The following CHL1 variants were observed in gnomAD, a reference collection of about 807,000 sequenced individuals.
CHL1 encodes cell adhesion molecule L1 like.
A neutral mutation model predicts 141.9 loss-of-function variants in CHL1; 96 were observed. The observed-to-expected ratio is 0.68, with a 90% CI of 0.57 to 0.80. The LOEUF is 0.80. CHL1 is among the 30% of genes least tolerant of loss of function. The pLI is 0.00. For missense variants in CHL1, 1,820 were observed against 1,457.2 expected, an observed-to-expected ratio of 1.25 and a Z score of -4.05; for synonymous variants, 613 against 502.2, an observed-to-expected ratio of 1.22 and a Z score of -2.95.
intron 1 of CHL1, among the ~76,000 whole-genome samples, chr3:226,220 C>T (rs1701330960): frequency 6.7e-6 from 1 of 149,940 alleles, no homozygotes; most frequent in South Asian, 2.1e-4. Context: ...CGGGGTTTTA[C>T]CATGTTGGCC....
intron 1 of CHL1, among the ~76,000 whole-genome samples, chr3:229,906 C>G (rs964171252): frequency 7.2e-5 from 11 of 152,202 alleles, no homozygotes; most frequent in African/African-American, 2.4e-4. Flanking sequence ...TTCTCTCCCT[C>G]CGGAGCACAT....
chr3:230,968 C>CTT (rs1559305562), intron 1 of CHL1, among the ~76,000 whole-genome samples: 2 of 152,168 alleles, frequency 1.3e-5, no homozygotes, highest in African/African-American at 4.8e-5. Context: ...GAATCCTTAG[C>CTT]TTTCCCCAGA....
At chr3:221,604 G>C (rs1400051657) in intron 1 of CHL1, among the ~76,000 whole-genome samples, 1 of 152,186 alleles carries the variant, frequency 6.6e-6, no homozygotes, top group East Asian at 1.9e-4. Flanking sequence ...GAAAAGTAGA[G>C]GGAATTCGCA....
intron 2 of CHL1, among the ~76,000 whole-genome samples, chr3:285,620 T>G (rs1000445490): frequency 9.8e-5 from 15 of 152,336 alleles, no homozygotes; most frequent in African/African-American, 3.4e-4. Flanking sequence ...ACGTAGACTC[T>G]ACCTCAGTTT....
chr3:369,172 T>C (rs1705297252), intron 15 of CHL1, among the ~76,000 whole-genome samples: 1 of 152,232 alleles, frequency 6.6e-6, no homozygotes, highest in South Asian at 2.1e-4. Flanking sequence ...ATTGAATCTA[T>C]AAATTACTTT....
intron 2 of CHL1, among the ~76,000 whole-genome samples, chr3:267,745 A>G (rs886627110): frequency 6.6e-6 from 1 of 152,206 alleles, no homozygotes; most frequent in Non-Finnish European, 1.5e-5. Context: ...AAAAATGTGA[A>G]AGATTATACA....
intron 2 of CHL1, among the ~76,000 whole-genome samples, chr3:300,821 C>T (rs566542944): frequency 2.0e-5 from 3 of 152,016 alleles, no homozygotes; most frequent in South Asian, 2.1e-4. Flanking sequence ...GAAAGGTTTC[C>T]GAAGAAAGTG....
At chr3:360,038 G>T (rs1162923289) in intron 11 of CHL1, among the ~76,000 whole-genome samples, 1 of 152,148 alleles carries the variant, frequency 6.6e-6, no homozygotes, top group Non-Finnish European at 1.5e-5. Context: ...GAAATTCTGG[G>T]AGGTCCAGAT....
intron 19 of CHL1, chr3:384,794 C>T (rs977732858): frequency 3.3e-5 from 5 of 151,986 alleles, no homozygotes; most frequent in Non-Finnish European, 5.9e-5. Context: ...AATTTATTTC[C>T]ACAATTCATT....
intron 15 of CHL1, among the ~76,000 whole-genome samples, chr3:369,070 T>C (rs149267702): frequency 0.031 from 4,765 of 152,296 alleles, 90 homozygotes; most frequent in Middle Eastern, 0.048. Context: ...TTGTTTTGTC[T>C]ATATGGGGTC....
chr3:253,266 T>A (rs1424961006), intron 2 of CHL1, among the ~76,000 whole-genome samples: 1 of 152,128 alleles, frequency 6.6e-6, no homozygotes, highest in Admixed American at 6.6e-5. Flanking sequence ...ATGAACCAAT[T>A]ATGCTCCCTT....
At chr3:204,209 T>C (rs1699209538) in intron 1 of CHL1, among the ~76,000 whole-genome samples, 1 of 152,240 alleles carries the variant, frequency 6.6e-6, no homozygotes, top group South Asian at 2.1e-4. Context: ...GTATTCCAGC[T>C]TCTATGGTAA....
chr3:230,276 T>C (rs954048333), intron 1 of CHL1, among the ~76,000 whole-genome samples: 2 of 152,218 alleles, frequency 1.3e-5, no homozygotes, highest in African/African-American at 2.4e-5. Context: ...GTGGTGACTC[T>C]TTCTGGCTTT....
chr3:392,186 C>A (rs910585815), intron 23 of CHL1, among the ~76,000 whole-genome samples: 1 of 152,132 alleles, frequency 6.6e-6, no homozygotes, highest in Non-Finnish European at 1.5e-5. Flanking sequence ...ACACAAAACA[C>A]GTGTTTAATG....
intron 2 of CHL1, among the ~76,000 whole-genome samples, chr3:259,692 T>TACC (rs1559349204): frequency 6.6e-5 from 10 of 152,248 alleles, no homozygotes; most frequent in Non-Finnish European, 1.5e-4. Context: ...ATTACAAGGC[T>TACC]TCATGAAAGG....
At chr3:344,971 A>T (rs188407238) in intron 9 of CHL1, among the ~76,000 whole-genome samples, 1 of 152,306 alleles carries the variant, frequency 6.6e-6, no homozygotes, top group African/African-American at 2.4e-5. Context: ...CCTGGATGAC[A>T]GAGAAAGACC....
intron 2 of CHL1, among the ~76,000 whole-genome samples, chr3:271,566 T>C (rs1242734305): frequency 6.6e-6 from 1 of 152,102 alleles, no homozygotes; most frequent in African/African-American, 2.4e-5. Flanking sequence ...ATGAAGAAGA[T>C]TTGTATATTG....
At chr3:307,138 T>C (rs1407706244) in intron 2 of CHL1, among the ~76,000 whole-genome samples, 1 of 152,188 alleles carries the variant, frequency 6.6e-6, no homozygotes, top group East Asian at 1.9e-4. Flanking sequence ...TTTTTATAGG[T>C]ATCAATATTT....
At chr3:357,515 C>T (rs1485002066) in intron 11 of CHL1, among the ~76,000 whole-genome samples, 1 of 152,124 alleles carries the variant, frequency 6.6e-6, no homozygotes, top group East Asian at 1.9e-4. Flanking sequence ...AGAATGCAAC[C>T]CAGGTACATT....
Sources: gnomAD v4.1 joint callset for allele counts (sites outside exome capture counted in the v4.1 genomes callset) on GRCh38, gnomAD v4.1.1 for gene constraint, MANE v1.5 for transcripts, NCBI Gene and HGNC (gene_info 2026-07-23, HGNC 2026-07-21) for gene names.